ZNF679: variants seen among roughly 807,000 people sequenced by gnomAD.
ZNF679 encodes the protein hypothetical protein MGC42415.
A neutral mutation model predicts 13.4 loss-of-function variants in ZNF679; 10 were observed. The ratio of observed to expected loss-of-function variants is 0.75; its 90% CI spans 0.46 to 1.27. The LOEUF (loss-of-function observed/expected upper bound fraction) is 1.27. Among genes scored for constraint, ZNF679 ranks in the 50% most tolerant of loss-of-function variants. The pLI, the probability that ZNF679 is intolerant of heterozygous loss-of-function variation, is 0.00. For synonymous variants in ZNF679, 179 were observed against 162.5 expected (o/e 1.10, Z -0.77); for missense variants, 525 against 477.8 (o/e 1.10, Z -0.92).
chr7:64,231,582 G>C (rs1787639826), intron 1 of ZNF679, among the ~76,000 whole-genome samples: 1 of 152,206 alleles, frequency 6.6e-6, no homozygotes, highest in Non-Finnish European at 1.5e-5. Flanking sequence ...ACAATCTTCA[G>C]TGGGGCTTGG....
intron 1 of ZNF679, among the ~76,000 whole-genome samples, chr7:64,236,075 A>G (rs772391979): frequency 4.8e-4 from 73 of 151,452 alleles, no homozygotes; most frequent in Admixed American, 2.6e-4. Flanking sequence ...GACCAGCCTG[A>G]CCAACATGGT....
intron 2 of ZNF679, among the ~76,000 whole-genome samples, chr7:64,254,406 C>G (rs900169808): frequency 2.6e-5 from 4 of 152,106 alleles, no homozygotes; most frequent in African/African-American, 9.7e-5. Flanking sequence ...CATGAGCCAT[C>G]ATGCCAGGCT....
intron 4 of ZNF679, among the ~76,000 whole-genome samples, chr7:64,262,453 T>C (rs1419866443): frequency 6.6e-6 from 1 of 152,242 alleles, no homozygotes; most frequent in Non-Finnish European, 1.5e-5. Context: ...AGAATTTCGT[T>C]AGTTTTTTTC....
At chr7:64,260,580 G>T (rs2115602429) in intron 3 of ZNF679, among the ~76,000 whole-genome samples, 1 of 152,248 alleles carries the variant, frequency 6.6e-6, no homozygotes, top group East Asian at 1.9e-4. Context: ...TTCCAAAAAT[G>T]TCATGGCATA....
rs368274859 is a variant in ZNF679 at position 64,241,342 on chromosome 7, G to C, written c.-90-7686G>C. On this transcript the variant is annotated intron_variant, in intron 1 of 4. Coordinates refer to ENST00000421025, the MANE Select transcript of ZNF679 (RefSeq NM_153363.3). ...AATCCCAATTGTGGAGACAGACCAC[G>C]CACAAGGGTTGCATCACCTGGGTGC... Among the ~76,000 whole-genome samples, 110 of 152,348 alleles carry C rather than the reference G, an allele frequency of 7.2e-4. 4 individuals carry two copies. In the South Asian group the frequency reaches 0.022, roughly 30 times the overall value.
intron 1 of ZNF679, among the ~76,000 whole-genome samples, chr7:64,240,776 C>T (rs1184825753): frequency 3.3e-5 from 5 of 152,114 alleles, no homozygotes; most frequent in Non-Finnish European, 5.9e-5. Flanking sequence ...ATTCACAATC[C>T]GGGACATTTT....
chr7:64,236,889 AAAAAAAG>A (rs1787721164), intron 1 of ZNF679, among the ~76,000 whole-genome samples: 1 of 82,632 alleles, frequency 1.2e-5, no homozygotes, highest in Non-Finnish European at 3.3e-5. Flanking sequence ...AGAAAGAAAG[AAAAAAAG>A]AAAAAGAAAA....
At chr7:64,245,437 G>C (rs1029488183) in intron 1 of ZNF679, among the ~76,000 whole-genome samples, 2 of 151,096 alleles carry the variant, frequency 1.3e-5, no homozygotes, top group African/African-American at 4.9e-5. Context: ...GAGAGAGAGA[G>C]AGAGAGGGAG....
intron 1 of ZNF679, among the ~76,000 whole-genome samples, chr7:64,233,020 C>T (rs535857496): frequency 1.2e-4 from 18 of 152,226 alleles, no homozygotes; most frequent in East Asian, 3.9e-4. Flanking sequence ...GCAGGCAGAT[C>T]GCCTGAGGTC....
chr7:64,245,446 A>AGG (rs757049807), intron 1 of ZNF679, among the ~76,000 whole-genome samples: 1 of 149,848 alleles, frequency 6.7e-6, no homozygotes, highest in East Asian at 2.0e-4. Flanking sequence ...AGAGAGAGGG[A>AGG]GAGAGAGAGA....
intron 1 of ZNF679, among the ~76,000 whole-genome samples, chr7:64,237,014 A>G (rs1230621228): frequency 1.4e-5 from 2 of 139,322 alleles, no homozygotes; most frequent in African/African-American, 2.8e-5. Flanking sequence ...AGAAAGAAAG[A>G]AAGAAAGAAA....
intron 1 of ZNF679, among the ~76,000 whole-genome samples, chr7:64,246,653 G>A (rs1235893223): frequency 6.6e-6 from 1 of 152,114 alleles, no homozygotes; most frequent in African/African-American, 2.4e-5. Flanking sequence ...AACCCGGGAG[G>A]CAGAGGTTGC....
In ZNF679 at chr7:64,266,272, A is replaced by G; in HGVS notation, c.639A>G (p.Gln213=). The change falls in exon 5 of 5, where the codon CAA becomes CAG. Residue 213 remains glutamine (Q), a synonymous_variant. Coordinates refer to ENST00000421025, the MANE Select transcript of ZNF679 (RefSeq NM_153363.3). ...TTCATACTAGGGAGAATTCCTACCA[A>G]TGTGAAGAATGCGGCAAACCCTTCA... ...QIIHTRENSY[Q]CEECGKPFNC... 6.3e-7 allele frequency: 1 copy of G among 1,594,280 alleles called. No individual in the cohort carries two copies.
chr7:64,242,184 C>T (rs531494502), intron 1 of ZNF679, among the ~76,000 whole-genome samples: 4 of 152,238 alleles, frequency 2.6e-5, no homozygotes, highest in East Asian at 1.9e-4. Context: ...GTCACAATTC[C>T]GATTTTTGAC....
At chr7:64,230,290 T>C (rs1037069571) in intron 1 of ZNF679, among the ~76,000 whole-genome samples, 5 of 151,940 alleles carry the variant, frequency 3.3e-5, no homozygotes, top group African/African-American at 1.2e-4. Flanking sequence ...TCCCAGCACT[T>C]TGGGAGGCCG....
At chr7:64,232,251 A>T (rs767357540) in intron 1 of ZNF679, among the ~76,000 whole-genome samples, 1 of 152,224 alleles carries the variant, frequency 6.6e-6, no homozygotes, top group Non-Finnish European at 1.5e-5. Flanking sequence ...ATTGTTGGCT[A>T]GGTGTACCTA....
chr7:64,228,823 T>A (rs922089865), intron 1 of ZNF679, among the ~76,000 whole-genome samples, 171 bp downstream of exon 1: 1 of 152,228 alleles, frequency 6.6e-6, no homozygotes, highest in Admixed American at 6.5e-5. Context: ...GATGCATGTA[T>A]GTGAGTCAAA....
At chr7:64,232,382 A>T (rs549089814) in intron 1 of ZNF679, among the ~76,000 whole-genome samples, 3 of 152,366 alleles carry the variant, frequency 2.0e-5, no homozygotes, top group South Asian at 2.1e-4. Context: ...TAGAATACTC[A>T]GGAGCATACC....
chr7:64,245,018 C>T (rs1196283089), intron 1 of ZNF679, among the ~76,000 whole-genome samples: 2 of 152,044 alleles, frequency 1.3e-5, no homozygotes, highest in Admixed American at 1.3e-4. Context: ...TCAGGGACTT[C>T]TTCTTTCTTT....
Sources: allele counts gnomAD v4.1 joint callset (sites outside exome capture counted in the v4.1 genomes callset), GRCh38; gene constraint gnomAD v4.1.1; transcripts MANE v1.5; gene names NCBI Gene and HGNC (gene_info 2026-07-23, HGNC 2026-07-21).